Variants in GADL1 observed in about 807,000 individuals in gnomAD.
GADL1 encodes acidic amino acid decarboxylase GADL1.
A neutral mutation model predicts 69.5 loss-of-function variants in GADL1; 71 were observed. That is an observed-to-expected ratio of 1.02 (90% CI 0.84 to 1.25). The LOEUF is 1.25. GADL1 is among the 50% of genes most tolerant of loss of function. The pLI, the probability that GADL1 is intolerant of heterozygous loss-of-function variation, is 0.00. For missense variants in GADL1, 737 were observed against 631.8 expected (o/e 1.17, Z -1.79); for synonymous variants, 254 against 214.4 (o/e 1.18, Z -1.62).
chr3:30,742,525 G>T (rs1367326554), intron 14 of GADL1, among the ~76,000 whole-genome samples: 1 of 151,718 alleles, frequency 6.6e-6, no homozygotes, highest in African/African-American at 2.4e-5. Context: ...GATATTCTTA[G>T]GTTTTATAGA....
intron 1 of GADL1, among the ~76,000 whole-genome samples, chr3:30,885,172 T>C (rs928878421): frequency 1.3e-5 from 2 of 152,130 alleles, no homozygotes; most frequent in African/African-American, 2.4e-5. Context: ...CTCCTCATTA[T>C]GCCTTAGAAC....
rs148707610 is a variant in GADL1 at position 30,785,605 on chromosome 3, T to C, written c.1302+750A>G. Among the ~76,000 whole-genome samples, 916 of 152,244 alleles carry C rather than the reference T, an allele frequency of 6.0e-3. 12 individuals carry two copies. The highest frequency in any genetic ancestry group is 0.021 in the African/African-American group (858 of 41,540). ...CCATGTTAGGCTGGTCTCGAACTCC[T>C]CACCTTGTGATGCCTGCCTTGGCCT... On this transcript the variant is annotated intron_variant, in intron 13 of 14. Coordinates refer to ENST00000282538, the MANE Select transcript of GADL1 (RefSeq NM_207359.3).
rs1044976487 is a variant in GADL1 at position 30,843,548 on chromosome 3, G to A, written c.786+662C>T. On this transcript the variant is annotated intron_variant, in intron 8 of 14. Transcript: ENST00000282538. ...TGGGATTACAGGCGTGAGCCACCGC[G>A]CCCGGCCTAATGACACCCCTTTTTA... 3.9e-5 allele frequency among the ~76,000 whole-genome samples: 6 copies of A among 152,270 alleles called. 1 individual carries two copies. The highest frequency in any genetic ancestry group is 3.9e-4 in the East Asian group (2 of 5,170).
chr3:30,752,323 C>T (rs199618207), intron 14 of GADL1, among the ~76,000 whole-genome samples: 15 of 94,128 alleles, frequency 1.6e-4, no homozygotes, highest in African/African-American at 4.4e-4. Context: ...AGGGGCCTAT[C>T]TCTCTTGCTG....
intron 13 of GADL1, among the ~76,000 whole-genome samples, chr3:30,784,251 T>C (rs1392363675): frequency 6.6e-6 from 1 of 152,342 alleles, no homozygotes; most frequent in Middle Eastern, 3.4e-3. Context: ...GAATTACTTT[T>C]TACAGTTGGC....
chr3:30,874,665 A>G (rs1698552114), intron 1 of GADL1, among the ~76,000 whole-genome samples: 1 of 151,982 alleles, frequency 6.6e-6, no homozygotes, highest in South Asian at 2.1e-4. Flanking sequence ...ACTCGTAAGC[A>G]TCTAGAACCT....
At chr3:30,889,498 C>T (rs1295225168) in intron 1 of GADL1, among the ~76,000 whole-genome samples, 1 of 152,160 alleles carries the variant, frequency 6.6e-6, no homozygotes, top group East Asian at 1.9e-4. Context: ...AAAATGTATA[C>T]ATAACAAAGC....
At chr3:30,825,551 A>G (rs139131922) in intron 11 of GADL1, among the ~76,000 whole-genome samples, 2 of 152,082 alleles carry the variant, frequency 1.3e-5, no homozygotes, top group African/African-American at 2.4e-5. Context: ...TTGGAAACCA[A>G]TATGACAACT....
intron 1 of GADL1, among the ~76,000 whole-genome samples, chr3:30,872,153 C>A (rs12636066): frequency 0.18 from 27,471 of 151,844 alleles, 2,536 homozygotes; most frequent in African/African-American, 0.22. Flanking sequence ...AGCTTGAAAA[C>A]ACTTATGCAA....
chr3:30,857,732 C>G (rs1292969698), intron 2 of GADL1, among the ~76,000 whole-genome samples: 2 of 151,922 alleles, frequency 1.3e-5, no homozygotes, highest in South Asian at 2.1e-4. Flanking sequence ...GAGGTCCTTA[C>G]AAAGATATAA....
intron 14 of GADL1, among the ~76,000 whole-genome samples, chr3:30,760,824 G>A (rs997570378): frequency 2.0e-5 from 3 of 152,116 alleles, no homozygotes; most frequent in Non-Finnish European, 2.9e-5. Flanking sequence ...GGGTGATGAT[G>A]GGCAGCCTGT....
chr3:30,822,334 G>T (rs1176584194), intron 11 of GADL1, among the ~76,000 whole-genome samples: 1 of 151,982 alleles, frequency 6.6e-6, no homozygotes, highest in African/African-American at 2.4e-5. Context: ...TGTTATAGGA[G>T]GAAAGCTTCT....
intron 1 of GADL1, among the ~76,000 whole-genome samples, chr3:30,871,645 T>C (rs964994218): frequency 1.4e-4 from 21 of 151,926 alleles, no homozygotes; most frequent in Non-Finnish European, 2.6e-4. Context: ...GGAGGGAACA[T>C]GTTCCCGTCA....
intron 12 of GADL1, chr3:30,800,675 T>A: frequency 1.8e-6 from 1 of 571,010 alleles, no homozygotes; most frequent in Non-Finnish European, 3.1e-6. Flanking sequence ...ACTGCTCTGT[T>A]CATAATTCCT....
intron 14 of GADL1, among the ~76,000 whole-genome samples, chr3:30,765,055 T>C (rs917901567): frequency 4.6e-5 from 7 of 152,100 alleles, no homozygotes; most frequent in Admixed American, 3.3e-4. Context: ...TCCGAACTGA[T>C]GATTTGACCA....
At chr3:30,799,933 C>T (rs1478845601) in intron 12 of GADL1, 1 of 152,276 alleles carries the variant, frequency 6.6e-6, no homozygotes, top group Non-Finnish European at 1.5e-5. Flanking sequence ...CTGAGACTAC[C>T]TCAGCCTGGA....
In GADL1 at chr3:30,803,272, C is replaced by A. The variant is rs539690415; in HGVS notation, c.1051-2184G>T. Reference sequence around the variant, plus strand: ...CCTCTGATCACAGTTGCCACTGCTGCATCTCCCTGCCCTCAAAAGTCAGGA... The same window carrying A: ...CCTCTGATCACAGTTGCCACTGCTGAATCTCCCTGCCCTCAAAAGTCAGGA... On this transcript the variant is annotated intron_variant, in intron 11 of 14. Transcript: ENST00000282538. Among the ~76,000 whole-genome samples, 8 of 152,268 alleles carry A rather than the reference C, an allele frequency of 5.3e-5. No individual in the cohort carries two copies. The South Asian group carries it at 1.0e-3, about 20-fold the overall frequency.
chr3:30,883,724 T>A (rs566474406), intron 1 of GADL1, among the ~76,000 whole-genome samples: 4 of 152,136 alleles, frequency 2.6e-5, no homozygotes, highest in Admixed American at 2.6e-4. Flanking sequence ...AATCTGTATA[T>A]TGCTCTGGGT....
intron 3 of GADL1, among the ~76,000 whole-genome samples, chr3:30,855,531 T>G (rs1698215842): frequency 6.6e-6 from 1 of 152,066 alleles, no homozygotes; most frequent in Non-Finnish European, 1.5e-5. Flanking sequence ...CTATGCGGCT[T>G]ACATACACTT....
Sources: gnomAD v4.1 joint callset for allele counts (sites outside exome capture counted in the v4.1 genomes callset) on GRCh38, gnomAD v4.1.1 for gene constraint, MANE v1.5 for transcripts, NCBI Gene and HGNC (gene_info 2026-07-23, HGNC 2026-07-21) for gene names.